Variants in SLC22A23 observed in about 807,000 individuals in gnomAD.
SLC22A23 encodes ion transporter protein.
A neutral mutation model predicts 61.0 loss-of-function variants in SLC22A23; 26 were observed. That is an observed-to-expected ratio of 0.43 (90% CI 0.31 to 0.59). The LOEUF (loss-of-function observed/expected upper bound fraction) is 0.59, where lower values mean the gene tolerates loss of function less well. Among genes scored for constraint, SLC22A23 ranks in the 20% least tolerant of loss-of-function variants. The pLI is 0.11. For synonymous variants in SLC22A23, 430 were observed against 413.9 expected, an observed-to-expected ratio of 1.04 and a Z score of -0.47; for missense variants, 796 against 934.7, an observed-to-expected ratio of 0.85 and a Z score of 1.94.
intron 3 of SLC22A23, among the ~76,000 whole-genome samples, chr6:3,379,302 A>C (rs1335677995): frequency 1.3e-5 from 2 of 152,168 alleles, no homozygotes; most frequent in Non-Finnish European, 2.9e-5. Context: ...AACCTGCTGG[A>C]TTTGGAGTTC....
chr6:3,448,270 ATG>A (rs1333140242), intron 1 of SLC22A23, among the ~76,000 whole-genome samples: 7 of 151,992 alleles, frequency 4.6e-5, no homozygotes, highest in African/African-American at 1.7e-4. Context: ...AACCGGCTCT[ATG>A]AAGAAAAAAA....
At chr6:3,418,840 C>T (rs560425067) in intron 1 of SLC22A23, among the ~76,000 whole-genome samples, 13 of 152,334 alleles carry the variant, frequency 8.5e-5, no homozygotes, top group East Asian at 1.9e-4. Context: ...CTGGAGGCAC[C>T]GCCGTTTAGC....
chr6:3,428,604 G>T (rs1770658081), intron 1 of SLC22A23, among the ~76,000 whole-genome samples: 1 of 152,172 alleles, frequency 6.6e-6, no homozygotes, highest in Non-Finnish European at 1.5e-5. Flanking sequence ...CAGTCAAGTT[G>T]ATCCATTCAG....
chr6:3,424,363 T>C (rs1308119670), intron 1 of SLC22A23, among the ~76,000 whole-genome samples: 1 of 152,216 alleles, frequency 6.6e-6, no homozygotes, highest in Non-Finnish European at 1.5e-5. Context: ...TGATTTGACA[T>C]TGTATGTCAC....
intron 3 of SLC22A23, among the ~76,000 whole-genome samples, chr6:3,395,380 G>A (rs1053521137): frequency 9.9e-5 from 15 of 152,218 alleles, no homozygotes; most frequent in South Asian, 2.1e-4. Context: ...GAGCCTGAGC[G>A]TCAGGCAGGG....
At chr6:3,374,758 T>C (rs1026224884) in intron 3 of SLC22A23, among the ~76,000 whole-genome samples, 4 of 152,166 alleles carry the variant, frequency 2.6e-5, no homozygotes, top group Non-Finnish European at 4.4e-5. Flanking sequence ...CTCAGCACAA[T>C]GTCACCCAGC....
chr6:3,340,666 C>T (rs576503919), intron 3 of SLC22A23, among the ~76,000 whole-genome samples: 66 of 152,158 alleles, frequency 4.3e-4, no homozygotes, highest in South Asian at 1.7e-3. Context: ...AGACAATTGC[C>T]GTAGCAAATT....
In SLC22A23 at chr6:3,308,973, C is replaced by T. The variant is rs564899898; in HGVS notation, c.1083-10755G>A. 1.3e-5 allele frequency among the ~76,000 whole-genome samples: 2 copies of T among 150,922 alleles called. No individual in the cohort carries two copies. Among genetic ancestry groups the T allele is most frequent in the African/African-American group, 2.4e-5 (1 of 40,988 alleles). On this transcript the variant is annotated intron_variant, in intron 4 of 9. Coordinates refer to ENST00000406686, the MANE Select transcript of SLC22A23 (RefSeq NM_015482.2). This position sits in a 1 kb window ranked among gnomAD's most constrained non-coding sequence, Gnocchi z 5.1. Reference sequence around the variant, plus strand: ...ACAAACAAACAAACCAACCAAAAAACCCCAACAACCCACAGTGTGGATCGG... The same window carrying T: ...ACAAACAAACAAACCAACCAAAAAATCCCAACAACCCACAGTGTGGATCGG...
At chr6:3,282,623 C>G (rs1167754197) in intron 9 of SLC22A23, among the ~76,000 whole-genome samples, 1 of 152,214 alleles carries the variant, frequency 6.6e-6, no homozygotes, top group African/African-American at 2.4e-5. Flanking sequence ...ATGCGGACAC[C>G]TGGGTTTTGA....
chr6:3,323,953 C>T lies in SLC22A23; in HGVS notation c.963G>A (p.Ala321=), dbSNP rs149058774. The T allele has an allele frequency of 3.7e-6, 6 of 1,614,240 alleles. No homozygotes were observed. The highest frequency in any genetic ancestry group is 1.3e-5 in the African/African-American group (1 of 75,074). The part of the protein sequence containing the change: ...PGKRFMITMV[A]SFVAMAGQFL... ...ACTGGCCCGCCATGGCCACGAAGCTCGCCACCATCGTAATCATGAACCGTT... is the reference window on the plus strand; with the variant it reads ...ACTGGCCCGCCATGGCCACGAAGCTTGCCACCATCGTAATCATGAACCGTT... The change falls in exon 4 of 10, where the codon GCG becomes GCA. Residue 321 remains alanine, a synonymous_variant. Transcript: ENST00000406686.
chr6:3,325,586 CCTTTTGGTACCATAGGTCAGGTTCA>C (rs1763232094), intron 3 of SLC22A23, among the ~76,000 whole-genome samples: 1 of 152,208 alleles, frequency 6.6e-6, no homozygotes, highest in Non-Finnish European at 1.5e-5. Flanking sequence ...CAATGCTGTT[CCTTTTGGTACCATAGGTCAGGTTCA>C]CTTAAAAGAT....
chr6:3,453,645 T>C (rs906348364), intron 1 of SLC22A23, among the ~76,000 whole-genome samples: 2 of 152,118 alleles, frequency 1.3e-5, no homozygotes, highest in African/African-American at 4.8e-5. Context: ...GTGCATATAT[T>C]GTAGGGCACA....
intron 1 of SLC22A23, among the ~76,000 whole-genome samples, chr6:3,431,015 G>A (rs1320066107): frequency 6.0e-5 from 9 of 148,764 alleles, no homozygotes; most frequent in South Asian, 2.1e-4. Flanking sequence ...GTGGTGAGCC[G>A]AGATTGCATC....
intron 3 of SLC22A23, among the ~76,000 whole-genome samples, chr6:3,407,094 T>A (rs1452056946): frequency 1.3e-5 from 2 of 152,162 alleles, no homozygotes; most frequent in African/African-American, 4.8e-5. Context: ...ATGCATTAAG[T>A]GAGATAAAAA....
rs1453048971 is a variant in SLC22A23, at chr6:3,427,837, G to A, written c.655-11982C>T. ...TAACTATTAATCTTCTAAAAACACC[G>A]TGCCAAACTGGCAGCATGACAGCAG... On this transcript the variant is annotated intron_variant, in intron 1 of 9. Transcript: ENST00000406686. The surrounding 1 kb of genome is among the most constrained non-coding windows in gnomAD (Gnocchi z 4.3). Among the ~76,000 whole-genome samples the A allele has an allele frequency of 3.3e-5, 5 of 151,570 alleles. No homozygotes were observed. Among genetic ancestry groups the A allele is most frequent in the South Asian group, 2.1e-4 (1 of 4,834 alleles).
Position 3,342,549 on chromosome 6 carries a change from G to A in SLC22A23, c.914-18547C>T, listed in dbSNP as rs1020649999. On this transcript the variant is annotated intron_variant, in intron 3 of 9. Coordinates refer to ENST00000406686, the MANE Select transcript of SLC22A23 (RefSeq NM_015482.2). This position sits in a 1 kb window ranked among gnomAD's most constrained non-coding sequence, Gnocchi z 4.0. ...TTGACCCACAGCATCAGAGTCCCCC[G>A]GGGCCCTGAGCCCAGATTCCCAGAA... Among the ~76,000 whole-genome samples the A allele has an allele frequency of 6.6e-5, 10 of 152,176 alleles. No homozygotes were observed. Among genetic ancestry groups the A allele is most frequent in the South Asian group, 6.2e-4 (3 of 4,814 alleles).
chr6:3,301,967 G>T (rs1440518751), intron 4 of SLC22A23, among the ~76,000 whole-genome samples: 2 of 152,256 alleles, frequency 1.3e-5, no homozygotes, highest in Admixed American at 1.3e-4. Context: ...CGAGTTGGAA[G>T]AATTCCTTCT....
rs1054746030 is a variant in SLC22A23 at position 3,390,849 on chromosome 6, C to T, written c.913+19339G>A. Among the ~76,000 whole-genome samples the T allele has an allele frequency of 2.0e-5, 3 of 152,162 alleles. No homozygotes were observed. The highest frequency in any genetic ancestry group is 2.4e-5 in the African/African-American group (1 of 41,438). ...TCTGCCAAACCACTGGCTTCCAATG[C>T]GGAAGCTGGAGTTCTGCCCAGAAGC... On this transcript the variant is annotated intron_variant, in intron 3 of 9. Coordinates refer to ENST00000406686, the MANE Select transcript of SLC22A23 (RefSeq NM_015482.2). The surrounding 1 kb of genome is among the most constrained non-coding windows in gnomAD (Gnocchi z 4.0).
At chr6:3,439,839 G>C (rs1229939869) in intron 1 of SLC22A23, among the ~76,000 whole-genome samples, 4 of 152,156 alleles carry the variant, frequency 2.6e-5, no homozygotes, top group African/African-American at 7.2e-5. Flanking sequence ...GAGGCAACAG[G>C]ATGGAGGGGT....
Sources: allele counts gnomAD v4.1 joint callset (sites outside exome capture counted in the v4.1 genomes callset), GRCh38; gene constraint gnomAD v4.1.1; non-coding constraint Gnocchi (gnomAD v3.1); transcripts MANE v1.5; gene names NCBI Gene and HGNC (gene_info 2026-07-23, HGNC 2026-07-21).